WSCD2: variants seen among roughly 807,000 people sequenced by gnomAD.
The protein encoded by WSCD2 is WSC domain sialate O sulfotransferase 2, also known as sialate:O-sulfotransferase 2.
WSCD2 carries 28 observed loss-of-function variants against 55.7 expected under a neutral mutation model. That is an observed-to-expected ratio of 0.50 (90% CI 0.37 to 0.69). The LOEUF (loss-of-function observed/expected upper bound fraction) is 0.69. Ranked by LOEUF, WSCD2 falls within the 30% of genes least tolerant of loss-of-function variation. The pLI is 0.00. For missense variants in WSCD2, 616 were observed against 762.1 expected (o/e 0.81, Z 2.26); for synonymous variants, 301 against 301.9 (o/e 1.00, Z 0.03).
chr12:108,236,892 T>A (rs996250406), intron 7 of WSCD2, among the ~76,000 whole-genome samples: 1 of 152,136 alleles, frequency 6.6e-6, no homozygotes, highest in Admixed American at 6.5e-5. Context: ...AGAGACCTCA[T>A]TGTCCTAATG....
intron 2 of WSCD2, among the ~76,000 whole-genome samples, chr12:108,201,246 T>TTCCAGTGTTCCCAGCCA (rs1884629646): frequency 6.6e-6 from 1 of 152,152 alleles, no homozygotes; most frequent in Non-Finnish European, 1.5e-5. Flanking sequence ...TTCTCCTGGT[T>TTCCAGTGTTCCCAGCCA]TCCAGTGTTC....
Position 108,248,327 on chromosome 12 carries a change from A to G in WSCD2, c.1682A>G (p.Asp561Gly), listed in dbSNP as rs1890231507. The part of the protein sequence containing the change: ...KGRNLTGVPD[D>G]YYPR The stretch of plus-strand genomic sequence containing the variant: ...CGGAACCTAACGGGTGTCCCCGATG[A>G]CTACTACCCAAGATGATGCGTCCAC... The change falls in exon 9 of 9, where the codon GAC becomes GGC. Residue 561 changes from aspartate to glycine, a missense_variant. This residue lies in a region of WSCD2 where 234 missense variants were observed against 264.6 expected (regional missense o/e 0.88). Transcript: ENST00000547525. This position sits in a 1 kb window ranked among gnomAD's most constrained non-coding sequence, Gnocchi z 4.3. 1 of 1,612,356 alleles carries G rather than the reference A, an allele frequency of 6.2e-7. No individual in the cohort carries two copies.
At chr12:108,177,474 C>T (rs61939472) in intron 1 of WSCD2, among the ~76,000 whole-genome samples, 2,423 of 152,284 alleles carry the variant, frequency 0.016, 33 homozygotes, top group Non-Finnish European at 0.026. Context: ...AGCTGTGTGA[C>T]CTTGAACAAG....
chr12:108,202,976 C>A (rs1031988343), intron 2 of WSCD2, among the ~76,000 whole-genome samples: 4 of 152,344 alleles, frequency 2.6e-5, no homozygotes, highest in African/African-American at 9.6e-5. Context: ...CTGGGCAGGT[C>A]TCTCTGGGGA....
At chr12:108,193,551 T>C (rs960631131) in intron 1 of WSCD2, among the ~76,000 whole-genome samples, 2 of 152,122 alleles carry the variant, frequency 1.3e-5, no homozygotes, top group African/African-American at 2.4e-5. Flanking sequence ...GGTAGGTGGA[T>C]GGATGGTTCA....
intron 4 of WSCD2, among the ~76,000 whole-genome samples, chr12:108,212,869 C>G (rs1193567412): frequency 6.6e-6 from 1 of 152,142 alleles, no homozygotes; most frequent in Non-Finnish European, 1.5e-5. Flanking sequence ...GTCCTGGATT[C>G]TCTAAAGTCC....
intron 1 of WSCD2, among the ~76,000 whole-genome samples, chr12:108,190,759 G>C (rs1883060376): frequency 6.6e-6 from 1 of 152,168 alleles, no homozygotes; most frequent in African/African-American, 2.4e-5. Flanking sequence ...GGGCCTCTCA[G>C]CCTCCTCCCT....
At chr12:108,162,435 T>A (rs1544883) in intron 1 of WSCD2, among the ~76,000 whole-genome samples, 6 of 151,974 alleles carry the variant, frequency 3.9e-5, no homozygotes, top group Non-Finnish European at 7.4e-5. Context: ...AGCAACACCC[T>A]CAGTCCCCAG....
chr12:108,169,764 A>C (rs1017134083), intron 1 of WSCD2, among the ~76,000 whole-genome samples: 1 of 152,224 alleles, frequency 6.6e-6, no homozygotes, highest in Non-Finnish European at 1.5e-5. Flanking sequence ...GGAATGAAGA[A>C]GTCAGAGAGA....
chr12:108,158,237 TA>T (rs1430200766), intron 1 of WSCD2, among the ~76,000 whole-genome samples: 1 of 152,050 alleles, frequency 6.6e-6, no homozygotes, highest in African/African-American at 2.4e-5. Context: ...ACCCAGAGAT[TA>T]AATTGCCCCT....
intron 4 of WSCD2, among the ~76,000 whole-genome samples, chr12:108,224,198 C>T (rs1000417443): frequency 2.0e-5 from 3 of 152,104 alleles, no homozygotes; most frequent in African/African-American, 7.2e-5. Context: ...TGCAGCTTGT[C>T]GGTGCCCAAT....
Position 108,226,983 on chromosome 12 carries a change from T to C in WSCD2, c.805-7T>C, listed in dbSNP as rs1555240871. On this transcript the variant is annotated splice_polypyrimidine_tract_variant and splice_region_variant and intron_variant, in intron 5 of 8. Coordinates refer to ENST00000547525, the MANE Select transcript of WSCD2 (RefSeq NM_014653.4). ...CTCTTCCTCTTCTTCTCCCACTCCA[T>C]CCCCAGGAGTACCCGCTGGCAGCTC... is the stretch of plus-strand genomic sequence containing the variant. The C allele has an allele frequency of 2.5e-6, 4 of 1,611,836 alleles. No individual in the cohort carries two copies. Among genetic ancestry groups the C allele is most frequent in the East Asian group, 2.2e-5 (1 of 44,872 alleles).
intron 1 of WSCD2, among the ~76,000 whole-genome samples, chr12:108,139,629 CT>C (rs1223969621): frequency 6.6e-6 from 1 of 152,176 alleles, no homozygotes; most frequent in African/African-American, 2.4e-5. Context: ...AGTTTCTCAT[CT>C]GTAAAATGGG....
intron 1 of WSCD2, among the ~76,000 whole-genome samples, chr12:108,133,973 G>T (rs1875896180): frequency 6.6e-6 from 1 of 152,216 alleles, no homozygotes; most frequent in Non-Finnish European, 1.5e-5. Context: ...GAAAGAAATT[G>T]CCCGAGATTA....
intron 3 of WSCD2, among the ~76,000 whole-genome samples, chr12:108,209,264 T>C (rs7299104): frequency 0.55 from 84,110 of 151,940 alleles, 23,482 homozygotes; most frequent in East Asian, 0.6. Context: ...CATTTTTGTC[T>C]TCTCTCGAAG....
intron 4 of WSCD2, among the ~76,000 whole-genome samples, chr12:108,220,203 A>C (rs541934579): frequency 6.6e-6 from 1 of 152,302 alleles, no homozygotes; most frequent in South Asian, 2.1e-4. Context: ...TCCCCTCTGC[A>C]CCTGTTTTCT....
Position 108,153,085 on chromosome 12 carries a change from A to G in WSCD2, c.-552+23159A>G, listed in dbSNP as rs1185044878. Among the ~76,000 whole-genome samples the G allele has an allele frequency of 2.1e-5, 3 of 140,642 alleles. No homozygotes were observed. The Admixed American group carries it at 2.2e-4, about 10-fold the overall frequency. 92.3% of individuals were successfully genotyped at this position (140,642 alleles called of 152,430 possible). ...ACCACTGCACTCCAGCCTGGGTGAC[A>G]GAGTGAGACTCTGTCTCAAACAAAC... On this transcript the variant is annotated intron_variant, in intron 1 of 8. Transcript: ENST00000547525.
intron 4 of WSCD2, among the ~76,000 whole-genome samples, chr12:108,217,179 G>A (rs973378779): frequency 1.3e-5 from 2 of 152,228 alleles, no homozygotes; most frequent in African/African-American, 4.8e-5. Flanking sequence ...ATGGCACACA[G>A]CTAAGTAAGC....
chr12:108,155,155 C>T (rs4964641), intron 1 of WSCD2, among the ~76,000 whole-genome samples: 117,135 of 151,644 alleles, frequency 0.77, 45,963 homozygotes, highest in East Asian at 0.91. Flanking sequence ...CTAAGGTTAA[C>T]TCCAGCTTAG....
Sources: allele counts gnomAD v4.1 joint callset (sites outside exome capture counted in the v4.1 genomes callset), GRCh38; gene constraint gnomAD v4.1.1; regional missense constraint gnomAD v4.1.1; non-coding constraint Gnocchi (gnomAD v3.1); transcripts MANE v1.5; gene names NCBI Gene and HGNC (gene_info 2026-07-23, HGNC 2026-07-21).